PCMTD1: variants seen among roughly 807,000 people sequenced by gnomAD.
PCMTD1 encodes the protein protein-L-isoaspartate O-methyltransferase domain-containing protein 1.
Under a neutral mutation model 37.6 loss-of-function variants are expected in PCMTD1, and 12 were observed. The ratio of observed to expected loss-of-function variants is 0.32; its 90% confidence interval spans 0.20 to 0.52. The LOEUF (loss-of-function observed/expected upper bound fraction) is 0.52, where lower values mean the gene tolerates loss of function less well. PCMTD1 is among the 20% of genes least tolerant of loss of function. The probability of loss-of-function intolerance (pLI) is 0.97; values close to 1 mark genes in which losing one functional copy is unlikely to be tolerated. For missense variants in PCMTD1, 235 were observed against 421.3 expected, an observed-to-expected ratio of 0.56 and a Z score of 3.87; for synonymous variants, 117 against 135.8, an observed-to-expected ratio of 0.86 and a Z score of 0.96.
At chr8:51,855,956 C>T (rs573512102) in intron 2 of PCMTD1, among the ~76,000 whole-genome samples, 2 of 152,094 alleles carry the variant, frequency 1.3e-5, no homozygotes, top group Non-Finnish European at 1.5e-5. Context: ...ACTGAGCCAC[C>T]GCGCCTGGCC....
chr8:51,845,751 A>G lies in PCMTD1; in HGVS notation c.320T>C (p.Ile107Thr), dbSNP rs757465083. Reference protein sequence around the residue: ...MVGLILGPFGINHGIELHSDV... With the variant: ...MVGLILGPFGTNHGIELHSDV... ...TGAATGAAGCTCAATCCCATGATTT[A>G]TTCCAAAAGGACCTGCAATCGTAGC... Residue 107 changes from isoleucine to threonine, a missense_variant, in exon 3 of 6, where the codon ATA becomes ACA. By Grantham distance (89) the Ile-to-Thr change is moderately conservative (BLOSUM62 -1). Coordinates refer to ENST00000522514, the MANE Select transcript of PCMTD1 (RefSeq NM_052937.4). 6.2e-7 allele frequency: 1 copy of G among 1,612,276 alleles called. No individual in the cohort carries two copies. Among genetic ancestry groups the G allele is most frequent in the East Asian group, 2.2e-5 (1 of 44,800 alleles).
intron 3 of PCMTD1, among the ~76,000 whole-genome samples, chr8:51,835,804 A>G (rs1017693043): frequency 6.6e-6 from 1 of 152,216 alleles, no homozygotes; most frequent in African/African-American, 2.4e-5. Context: ...CTGCCAAGGA[A>G]ATCACCATTA....
chr8:51,831,638 CTTTGT>C (rs1459634426), intron 4 of PCMTD1, 71 bp from the exon 5 acceptor site: 16 of 1,493,074 alleles, frequency 1.1e-5, no homozygotes, highest in African/African-American at 2.8e-5. Context: ...ACAGTCAAAA[CTTTGT>C]TTTAAGGGAA....
At chr8:51,856,190 A>C (rs1214506805) in intron 2 of PCMTD1, among the ~76,000 whole-genome samples, 1 of 152,198 alleles carries the variant, frequency 6.6e-6, no homozygotes, top group African/African-American at 2.4e-5. Context: ...CAACTCAATT[A>C]AAAAACAGGA....
Position 51,820,647 on chromosome 8 carries a change from T to G in PCMTD1, c.778A>C (p.Asn260His), listed in dbSNP as rs202158468. The G allele has an allele frequency of 7.6e-5, 123 of 1,613,814 alleles. 2 individuals are homozygous for G. In the East Asian group the frequency reaches 2.7e-3, roughly 36 times the overall value. Residue 260 changes from asparagine (N) to histidine (H), a missense_variant, in exon 6 of 6, where the codon AAT (asparagine) becomes CAT (histidine). Transcript: ENST00000522514. ...ATCCCCTTGGCCTGCATCTCATCAT[T>G]TATGAAATTTCTAAGTGTGCGTCGA... ...YIRRTLRNFINDEMQAKGIPQ... is the reference protein window; with the variant it reads ...YIRRTLRNFIHDEMQAKGIPQ...
intron 1 of PCMTD1, among the ~76,000 whole-genome samples, chr8:51,861,515 T>C (rs896486515): frequency 6.6e-6 from 1 of 152,178 alleles, no homozygotes; most frequent in African/African-American, 2.4e-5. Context: ...AAGCCCATTA[T>C]GGTGGCCACT....
At chr8:51,833,183 T>C (rs377587604) in intron 4 of PCMTD1, among the ~76,000 whole-genome samples, 2 of 152,192 alleles carry the variant, frequency 1.3e-5, no homozygotes, top group East Asian at 1.9e-4. Context: ...CTGAAGAATA[T>C]GGGAAACTGA....
intron 5 of PCMTD1, among the ~76,000 whole-genome samples, chr8:51,829,480 C>T (rs1195327890): frequency 6.6e-6 from 1 of 152,216 alleles, no homozygotes; most frequent in Non-Finnish European, 1.5e-5. Context: ...GAGTCACACA[C>T]ATTGACTAGG....
chr8:51,825,871 G>A (rs1213265647), intron 5 of PCMTD1, among the ~76,000 whole-genome samples: 1 of 152,216 alleles, frequency 6.6e-6, no homozygotes, highest in Non-Finnish European at 1.5e-5. Context: ...TCGAGAGGAT[G>A]AGGAGAAATA....
chr8:51,871,876 T>A lies in PCMTD1; in HGVS notation c.-95-10630A>T, dbSNP rs151113339. 3.2e-3 allele frequency among the ~76,000 whole-genome samples: 485 copies of A among 152,320 alleles called. 1 individual carries two copies. Among genetic ancestry groups the A allele is most frequent in the Admixed American group, 6.9e-3 (105 of 15,292 alleles). On this transcript the variant is annotated intron_variant, in intron 1 of 5. Coordinates refer to ENST00000522514, the MANE Select transcript of PCMTD1 (RefSeq NM_052937.4). ...TTCTTCCCCTACCCCTCCAATTCAA[T>A]ACTACATATAATTTTTTAAAAAGAA...
rs551401290 is a variant in PCMTD1 at position 51,845,527 on chromosome 8, T to G, written c.410+134A>C. ...ATACCACAGAATAATCTTAACTTTT[T>G]CTCATTTTATGGTGCACTGATTTTT... is the stretch of plus-strand genomic sequence containing the variant. On this transcript the variant is annotated intron_variant, in intron 3 of 5. Transcript: ENST00000522514. 3 of 551,628 alleles carry G rather than the reference T, an allele frequency of 5.4e-6. No homozygotes were observed. The African/African-American group carries it at 5.6e-5, about 10-fold the overall frequency. The allele number at this position is 551,628 out of a possible 1,614,324, so 34.2% of individuals were successfully genotyped here.
At position 51,817,687 on chromosome 8, in the gene PCMTD1, C is replaced by T. The variant is rs1399820697; in HGVS notation, c.*2664G>A. The T allele has an allele frequency of 1.1e-5, 3 of 274,150 alleles. No homozygotes were observed. The highest frequency in any genetic ancestry group is 4.9e-5 in the Admixed American group (1 of 20,358). 17.0% of individuals were successfully genotyped at this position (274,150 alleles called of 1,614,324 possible). On this transcript the variant is annotated 3_prime_UTR_variant, in exon 6 of 6. Coordinates refer to ENST00000522514, the MANE Select transcript of PCMTD1 (RefSeq NM_052937.4). ...TCTCAAACAGCTATAAATCAACACA[C>T]TTTTTGTATTTTATTTTACTACTAT...
intron 1 of PCMTD1, among the ~76,000 whole-genome samples, chr8:51,898,683 G>A (rs2039047866): frequency 6.6e-6 from 1 of 151,464 alleles, no homozygotes; most frequent in Non-Finnish European, 1.5e-5. Flanking sequence ...AGGCTTCGCT[G>A]GGCCCCTTTC....
At chr8:51,877,287 C>T (rs555964958) in intron 1 of PCMTD1, among the ~76,000 whole-genome samples, 1 of 152,268 alleles carries the variant, frequency 6.6e-6, no homozygotes, top group Admixed American at 6.5e-5. Flanking sequence ...CAGGACCTTA[C>T]ATTTTATATC....
chr8:51,836,778 T>G (rs553998558), intron 3 of PCMTD1, among the ~76,000 whole-genome samples: 1 of 152,150 alleles, frequency 6.6e-6, no homozygotes, highest in Non-Finnish European at 1.5e-5. Context: ...CTTGCTGTGT[T>G]GCCCAGGCTT....
At chr8:51,858,296 G>C (rs2038420530) in intron 2 of PCMTD1, among the ~76,000 whole-genome samples, 1 of 101,004 alleles carries the variant, frequency 9.9e-6, no homozygotes, top group Non-Finnish European at 2.0e-5. Context: ...TAAATATGTA[G>C]TACCCATAGG....
chr8:51,827,999 AATT>A (rs1433383707), intron 5 of PCMTD1, among the ~76,000 whole-genome samples: 2 of 152,144 alleles, frequency 1.3e-5, no homozygotes, highest in African/African-American at 4.8e-5. Context: ...GTCATTAATG[AATT>A]ATGTTATTAT....
At chr8:51,873,300 T>TA (rs2038663939) in intron 1 of PCMTD1, among the ~76,000 whole-genome samples, 1 of 152,152 alleles carries the variant, frequency 6.6e-6, no homozygotes, top group Admixed American at 6.5e-5. Flanking sequence ...ATCTTATTCA[T>TA]AAATCTTATG....
intron 1 of PCMTD1, among the ~76,000 whole-genome samples, chr8:51,888,060 AAT>A (rs1340761145): frequency 9.9e-5 from 15 of 152,160 alleles, no homozygotes; most frequent in Non-Finnish European, 5.9e-5. Context: ...CATAATTTCT[AAT>A]ATCTTACTCT....
Sources: allele counts gnomAD v4.1 joint callset (sites outside exome capture counted in the v4.1 genomes callset), GRCh38; gene constraint gnomAD v4.1.1; transcripts MANE v1.5; gene names NCBI Gene and HGNC (gene_info 2026-07-23, HGNC 2026-07-21).